Variants in RBPJ observed in about 807,000 individuals in gnomAD.
RBPJ encodes recombination signal binding protein for immunoglobulin kappa J region.
Under a neutral mutation model 67.8 loss-of-function variants are expected in RBPJ, and 9 were observed. The observed-to-expected ratio is 0.13, with a 90% CI of 0.08 to 0.23. The LOEUF is 0.23. Among genes scored for constraint, RBPJ ranks in the 10% least tolerant of loss-of-function variants. RBPJ has a pLI of 1.00. For synonymous variants in RBPJ, 198 were observed against 203.3 expected (o/e 0.97, Z 0.22); for missense variants, 305 against 595.6 (o/e 0.51, Z 5.08).
intron 1 of RBPJ, among the ~76,000 whole-genome samples, chr4:26,333,003 G>GAAAT (rs1362891717): frequency 6.6e-6 from 1 of 152,138 alleles, no homozygotes; most frequent in Non-Finnish European, 1.5e-5. Flanking sequence ...CTTATACCAG[G>GAAAT]AAATAATCAC....
chr4:26,423,402 C>G (rs1458744333), intron 5 of RBPJ, among the ~76,000 whole-genome samples: 1 of 152,222 alleles, frequency 6.6e-6, no homozygotes, highest in African/African-American at 2.4e-5. Context: ...GCTAAACAGA[C>G]TGATGACGGG....
chr4:26,402,825 T>C (rs1013374999), intron 2 of RBPJ, among the ~76,000 whole-genome samples: 2 of 152,196 alleles, frequency 1.3e-5, no homozygotes, highest in Non-Finnish European at 2.9e-5. Context: ...ACCTCTCTCT[T>C]GAACTATGCA....
intron 1 of RBPJ, among the ~76,000 whole-genome samples, chr4:26,261,861 A>G (rs1021539841): frequency 2.0e-5 from 3 of 152,236 alleles, no homozygotes; most frequent in African/African-American, 7.2e-5. Flanking sequence ...AAAGGTTCTC[A>G]GCCATTTATA....
the RBPJ span, among the ~76,000 whole-genome samples, chr4:26,132,636 C>A: frequency 0.054 from 8,215 of 152,248 alleles, 266 homozygotes; most frequent in East Asian, 0.12. Flanking sequence ...TTCCAGGAAA[C>A]CCCTGGGTCT....
chr4:26,166,291 A>G (rs1386457587), intron 1 of RBPJ, among the ~76,000 whole-genome samples: 2 of 113,958 alleles, frequency 1.8e-5, no homozygotes, highest in African/African-American at 6.6e-5. Context: ...AGGAATCGCC[A>G]CACTGACTTC....
chr4:26,388,208 G>A (rs1279620229), intron 2 of RBPJ, among the ~76,000 whole-genome samples: 1 of 151,984 alleles, frequency 6.6e-6, no homozygotes, highest in Non-Finnish European at 1.5e-5. Flanking sequence ...TGTTGCCCAG[G>A]CTCATCTTGA....
intron 5 of RBPJ, among the ~76,000 whole-genome samples, chr4:26,423,001 A>G (rs1236383653): frequency 1.3e-5 from 2 of 152,172 alleles, no homozygotes; most frequent in Non-Finnish European, 2.9e-5. Context: ...AACTCTTGCA[A>G]TTTATTTAAG....
At chr4:26,176,150 A>G (rs1019500606) in intron 1 of RBPJ, among the ~76,000 whole-genome samples, 5 of 152,238 alleles carry the variant, frequency 3.3e-5, no homozygotes, top group Admixed American at 2.6e-4. Flanking sequence ...AAACAAATAA[A>G]AAGTTTGTTT....
At chr4:26,138,234 G>A in the RBPJ span, among the ~76,000 whole-genome samples, 1 of 152,108 alleles carries the variant, frequency 6.6e-6, no homozygotes, top group Admixed American at 6.5e-5. Context: ...AGACATTTTG[G>A]CTCATGCAAA....
chr4:26,137,927 GAC>G, the RBPJ span, among the ~76,000 whole-genome samples: 1 of 152,220 alleles, frequency 6.6e-6, no homozygotes, highest in Non-Finnish European at 1.5e-5. Context: ...CCCTCCTCCT[GAC>G]ACAGTGATTG....
At chr4:26,255,644 T>C (rs1360929620) in intron 1 of RBPJ, among the ~76,000 whole-genome samples, 1 of 148,690 alleles carries the variant, frequency 6.7e-6, no homozygotes, top group Admixed American at 6.7e-5. Flanking sequence ...CTACTAAAAA[T>C]ACAAAAAATT....
chr4:26,319,902 G>T, upstream of RBPJ: 1 of 1,508,236 alleles, frequency 6.6e-7, no homozygotes, highest in Non-Finnish European at 9.2e-7. Flanking sequence ...GGAGGAGGGG[G>T]CGGGATTCGG....
At chr4:26,242,496 C>T (rs1719679329) in intron 1 of RBPJ, among the ~76,000 whole-genome samples, 2 of 150,842 alleles carry the variant, frequency 1.3e-5, no homozygotes, top group Admixed American at 1.3e-4. Flanking sequence ...AGAGTGTGGT[C>T]CACAGATCCT....
chr4:26,110,900 A>G, the RBPJ span, among the ~76,000 whole-genome samples: 2 of 152,160 alleles, frequency 1.3e-5, no homozygotes, highest in Admixed American at 1.3e-4. This position sits in a 1 kb window ranked among gnomAD's most constrained non-coding sequence, Gnocchi z 4.5. Context: ...ACTTGGTCCT[A>G]GGGGAGCAGA....
At chr4:26,317,850 A>C (rs185354892), upstream of RBPJ, among the ~76,000 whole-genome samples, 3 of 152,044 alleles carry the variant, frequency 2.0e-5, no homozygotes, top group African/African-American at 7.2e-5. Context: ...TAGGGCAAAA[A>C]GGGGGAGCTG....
At chr4:26,214,977 A>AGGG (rs1245533184) in intron 1 of RBPJ, among the ~76,000 whole-genome samples, 45 of 38,394 alleles carry the variant, frequency 1.2e-3, no homozygotes, top group East Asian at 2.3e-3. Flanking sequence ...GGAGGGAGGG[A>AGGG]AGGAAGGAGG....
chr4:26,363,822 A>G (rs1024090682), intron 1 of RBPJ, among the ~76,000 whole-genome samples: 2 of 152,324 alleles, frequency 1.3e-5, no homozygotes, highest in Admixed American at 1.3e-4. Flanking sequence ...TGTTTGTGGT[A>G]TATAGTTTTG....
the RBPJ span, among the ~76,000 whole-genome samples, chr4:26,139,912 C>A: frequency 1.3e-5 from 2 of 152,058 alleles, no homozygotes; most frequent in East Asian, 3.8e-4. Context: ...TCCCACAGAC[C>A]CACCTGGAGC....
intron 1 of RBPJ, among the ~76,000 whole-genome samples, chr4:26,364,072 T>C (rs1282116008): frequency 6.6e-6 from 1 of 152,174 alleles, no homozygotes; most frequent in African/African-American, 2.4e-5. Flanking sequence ...GATTCAGAAC[T>C]CTCTTTTAGG....
Sources: allele counts gnomAD v4.1 joint callset (sites outside exome capture counted in the v4.1 genomes callset), GRCh38; gene constraint gnomAD v4.1.1; non-coding constraint Gnocchi (gnomAD v3.1); transcripts MANE v1.5; gene names NCBI Gene and HGNC (gene_info 2026-07-23, HGNC 2026-07-21).